ZRANB1: variants seen among roughly 807,000 people sequenced by gnomAD.
The protein encoded by ZRANB1 is ubiquitin thioesterase ZRANB1.
ZRANB1 carries 16 observed loss-of-function variants against 80.5 expected under a neutral mutation model. That is an observed-to-expected ratio of 0.20 (90% CI 0.13 to 0.30). The LOEUF is 0.30. ZRANB1 is among the 10% of genes least tolerant of loss of function. The pLI, the probability that ZRANB1 is intolerant of heterozygous loss-of-function variation, is 1.00. For synonymous variants in ZRANB1, 291 were observed against 293.1 expected, an observed-to-expected ratio of 0.99 and a Z score of 0.07; for missense variants, 576 against 862.6, an observed-to-expected ratio of 0.67 and a Z score of 4.16.
Position 124,942,450 on chromosome 10 carries a change from T to C in ZRANB1, c.-44T>C. 1 of 1,610,726 alleles carries C rather than the reference T, an allele frequency of 6.2e-7. No individual in the cohort carries two copies. Among genetic ancestry groups the C allele is most frequent in the Middle Eastern group, 1.7e-4 (1 of 6,054 alleles). On this transcript the variant is annotated 5_prime_UTR_variant, in exon 1 of 9. Transcript: ENST00000359653. ...TATTTTAATAACCATGTCCTAATTATTTATAGCTTCCTGCCTGACACAGCT... is the reference window on the plus strand; with the variant it reads ...TATTTTAATAACCATGTCCTAATTACTTATAGCTTCCTGCCTGACACAGCT...
intron 5 of ZRANB1, among the ~76,000 whole-genome samples, chr10:124,974,738 A>G (rs1264353222): frequency 1.3e-5 from 2 of 152,250 alleles, no homozygotes; most frequent in East Asian, 3.8e-4. Context: ...AGTTATATAT[A>G]GTAGCCTTAA....
chr10:124,955,550 G>A (rs944642164), intron 1 of ZRANB1, among the ~76,000 whole-genome samples: 2 of 152,178 alleles, frequency 1.3e-5, no homozygotes, highest in Non-Finnish European at 2.9e-5. Context: ...AGTGTGATGC[G>A]TGTGTAGCTA....
upstream of ZRANB1, among the ~76,000 whole-genome samples, chr10:124,938,352 T>A (rs79126891): frequency 3.5e-3 from 540 of 152,222 alleles, 3 homozygotes; most frequent in African/African-American, 0.012. Context: ...TTCTTTTTTT[T>A]TTTTGAGACA....
intron 5 of ZRANB1, among the ~76,000 whole-genome samples, chr10:124,979,365 C>T (rs533261797): frequency 3.2e-4 from 48 of 152,308 alleles, no homozygotes; most frequent in African/African-American, 1.1e-3. Flanking sequence ...GTCTTTTGCT[C>T]ATTTTTAAAT....
At position 124,985,381 on chromosome 10, in the gene ZRANB1, T is replaced by TG. The variant is rs1307424325; in HGVS notation, c.*391dup. 6.1e-6 allele frequency: 1 copy of TG among 164,302 alleles called. No individual in the cohort carries two copies. The highest frequency in any genetic ancestry group is 2.4e-5 in the African/African-American group (1 of 41,788). The allele number at this position is 164,302 out of a possible 1,614,324, so 10.2% of individuals were successfully genotyped here. The stretch of plus-strand genomic sequence containing the variant: ...GCACTTAGAAAAAGCACATGGCAAA[T>TG]GGCTCTTTGTTCCTTTCAGATATTA... On this transcript the variant is annotated 3_prime_UTR_variant, in exon 9 of 9. Transcript: ENST00000359653.
At position 124,966,614 on chromosome 10, in the gene ZRANB1, G is replaced by C. The variant is rs548717232; in HGVS notation, c.835G>C (p.Ala279Pro). 1 of 1,613,332 alleles carries C rather than the reference G, an allele frequency of 6.2e-7. No homozygotes were observed. Among genetic ancestry groups the C allele is most frequent in the South Asian group, 1.1e-5 (1 of 91,052 alleles). Residue 279 changes from alanine (A) to proline (P), a missense_variant, in exon 2 of 9, where the codon GCT becomes CCT. Ala to Pro is a conservative substitution (Grantham distance 27). This residue lies in a region of ZRANB1 where 411 missense variants were observed against 583.1 expected (regional missense o/e 0.70). Transcript: ENST00000359653. ...ACVGVVEGDL[A>P]AIEAYKSSGG... is the part of the protein sequence containing the mutation. ...TTTAGGGGTTGTAGAAGGTGATTTAGCTGCCATAGAAGCATACAAGTCATC... is the reference window on the plus strand; with the variant it reads ...TTTAGGGGTTGTAGAAGGTGATTTACCTGCCATAGAAGCATACAAGTCATC...
upstream of ZRANB1, among the ~76,000 whole-genome samples, chr10:124,941,374 G>A (rs1951535274): frequency 6.6e-6 from 1 of 152,102 alleles, no homozygotes; most frequent in African/African-American, 2.4e-5. Context: ...GGGGGCAGGG[G>A]ATGGAGTCTC....
chr10:124,980,699 A>T (rs1401629521), intron 5 of ZRANB1, among the ~76,000 whole-genome samples: 1 of 152,250 alleles, frequency 6.6e-6, no homozygotes, highest in African/African-American at 2.4e-5. Context: ...TAATTTCTTT[A>T]GGAAATATAT....
At chr10:124,943,683 T>TC (rs1951556444) in intron 1 of ZRANB1, among the ~76,000 whole-genome samples, 1 of 152,226 alleles carries the variant, frequency 6.6e-6, no homozygotes, top group Admixed American at 6.5e-5. Flanking sequence ...TTAATTGTGT[T>TC]CATGTCTCTC....
chr10:124,943,267 G>C lies in ZRANB1; in HGVS notation c.774G>C (p.Arg258Ser). 3 of 1,614,008 alleles carry C rather than the reference G, an allele frequency of 1.9e-6. No homozygotes were observed. Among genetic ancestry groups the C allele is most frequent in the Non-Finnish European group, 2.5e-6 (3 of 1,179,984 alleles). The stretch of plus-strand genomic sequence containing the variant: ...AAAAACTAAAGCAAATTAAAAACAG[G>C]ATGAAAAAGACTGATTGGCTCTTCC... ...DFKKLKQIKN[R>S]MKKTDWLFLN... is the part of the protein sequence containing the mutation. Residue 258 changes from arginine to serine, a missense_variant, in exon 1 of 9, where the codon AGG (arginine) becomes AGC (serine). Around this residue, in one of 3 missense-constraint regions of ZRANB1, gnomAD observed 411 missense variants for 583.1 expected, o/e 0.70. Transcript: ENST00000359653.
intron 6 of ZRANB1, among the ~76,000 whole-genome samples, chr10:124,982,136 A>G (rs999325417): frequency 1.3e-5 from 2 of 152,240 alleles, no homozygotes; most frequent in African/African-American, 4.8e-5. Flanking sequence ...TGACGGTTAC[A>G]TACAGTAGAT....
chr10:124,931,851 A>G, the ZRANB1 span, among the ~76,000 whole-genome samples: 2 of 152,188 alleles, frequency 1.3e-5, no homozygotes, highest in Non-Finnish European at 2.9e-5. Flanking sequence ...CAAAGTACAT[A>G]ATTTACAGTA....
Position 124,985,282 on chromosome 10 carries a change from T to C in ZRANB1, c.*290T>C. 1 of 281,946 alleles carries C rather than the reference T, an allele frequency of 3.5e-6. No homozygotes were observed. The highest frequency in any genetic ancestry group is 6.6e-6 in the Non-Finnish European group (1 of 151,472). 17.5% of individuals were successfully genotyped at this position (281,946 alleles called of 1,614,324 possible). On this transcript the variant is annotated 3_prime_UTR_variant, in exon 9 of 9. Transcript: ENST00000359653. The stretch of plus-strand genomic sequence containing the variant: ...TGTCTATAAATGTAACGCATGTGGT[T>C]GTGTAAGACATTGTTTAATAGGAAA...
At chr10:124,984,057 G>GAGGGAGGA (rs1188768957) in intron 8 of ZRANB1, among the ~76,000 whole-genome samples, 1 of 152,164 alleles carries the variant, frequency 6.6e-6, no homozygotes, top group African/African-American at 2.4e-5. Context: ...GCGGCAGGGG[G>GAGGGAGGA]AGGGAGGAAG....
intron 1 of ZRANB1, among the ~76,000 whole-genome samples, chr10:124,963,003 C>T (rs557425395): frequency 1.2e-4 from 18 of 152,270 alleles, no homozygotes; most frequent in Non-Finnish European, 2.1e-4. Flanking sequence ...TGGTGGCTCA[C>T]GCCTGTAATC....
the ZRANB1 span, among the ~76,000 whole-genome samples, chr10:124,922,326 G>GTAAAATA: frequency 1.6e-4 from 4 of 25,656 alleles, no homozygotes; most frequent in African/African-American, 2.9e-4. Flanking sequence ...TAAAATATAT[G>GTAAAATA]TATATATATA....
intron 3 of ZRANB1, 111 bp downstream of exon 3, chr10:124,972,229 T>TA: frequency 1.0e-6 from 1 of 997,732 alleles, no homozygotes; most frequent in Non-Finnish European, 1.5e-6. Flanking sequence ...CTACTGTATG[T>TA]GCATCTTAAA....
At chr10:124,925,308 A>G in the ZRANB1 span, among the ~76,000 whole-genome samples, 2 of 152,280 alleles carry the variant, frequency 1.3e-5, no homozygotes, top group Admixed American at 1.3e-4. Flanking sequence ...TTCTAGTGGA[A>G]TGGCATCTCC....
chr10:124,951,482 C>A (rs1951638355), intron 1 of ZRANB1, among the ~76,000 whole-genome samples: 1 of 152,138 alleles, frequency 6.6e-6, no homozygotes, highest in Admixed American at 6.5e-5. Context: ...CCATTTAAGA[C>A]ATCTTTGGGG....
Sources: allele counts gnomAD v4.1 joint callset (sites outside exome capture counted in the v4.1 genomes callset), GRCh38; gene constraint gnomAD v4.1.1; regional missense constraint gnomAD v4.1.1; transcripts MANE v1.5; gene names NCBI Gene and HGNC (gene_info 2026-07-23, HGNC 2026-07-21).